RAD51B: variants seen among roughly 807,000 people sequenced by gnomAD.
RAD51B encodes RAD51 paralog B, also known as DNA repair protein RAD51 homolog 2.
RAD51B carries 38 observed loss-of-function variants against 42.2 expected under a neutral mutation model. The observed-to-expected ratio is 0.90, with a 90% CI of 0.70 to 1.18. RAD51B has a LOEUF of 1.18. Among genes scored for constraint, RAD51B ranks in the 50% most tolerant of loss-of-function variants. The pLI is 0.00. For missense variants in RAD51B, 373 were observed against 400.7 expected (o/e 0.93, Z 0.59); for synonymous variants, 154 against 145.2 (o/e 1.06, Z -0.43).
intron 7 of RAD51B, among the ~76,000 whole-genome samples, chr14:67,943,274 T>C (rs1307799830): frequency 6.6e-6 from 1 of 152,184 alleles, no homozygotes; most frequent in East Asian, 1.9e-4. Flanking sequence ...CTTGTACTAA[T>C]ACACATTTTA....
chr14:68,500,731 C>T (rs911298770), intron 10 of RAD51B, among the ~76,000 whole-genome samples: 9 of 152,176 alleles, frequency 5.9e-5, no homozygotes, highest in Admixed American at 4.6e-4. Flanking sequence ...GTCCTTTCTT[C>T]GCTCTCAGCC....
At chr14:67,831,043 T>G (rs1356358900) in intron 3 of RAD51B, among the ~76,000 whole-genome samples, 1 of 138,870 alleles carries the variant, frequency 7.2e-6, no homozygotes, top group African/African-American at 2.7e-5. Flanking sequence ...GCCCGGTTAA[T>G]TTTTTATATT....
intron 7 of RAD51B, among the ~76,000 whole-genome samples, chr14:68,024,380 T>C (rs1474947195): frequency 2.0e-5 from 3 of 152,178 alleles, no homozygotes; most frequent in Non-Finnish European, 1.5e-5. Context: ...AAAATGACAT[T>C]GGTAGTTTGA....
intron 10 of RAD51B, among the ~76,000 whole-genome samples, chr14:68,544,744 T>C (rs1888134331): frequency 2.0e-5 from 3 of 152,228 alleles, no homozygotes; most frequent in Admixed American, 6.5e-5. Context: ...CCAGTACTTT[T>C]CTGAGAGCAG....
chr14:68,118,072 T>TA (rs1394209962), intron 7 of RAD51B, among the ~76,000 whole-genome samples: 3 of 152,198 alleles, frequency 2.0e-5, no homozygotes, highest in Admixed American at 2.0e-4. Context: ...TTCTATAATT[T>TA]AAAAAATAAC....
chr14:68,209,401 T>C (rs1340059758), intron 7 of RAD51B, among the ~76,000 whole-genome samples: 12 of 152,194 alleles, frequency 7.9e-5, no homozygotes, highest in Non-Finnish European at 1.8e-4. Context: ...CCTTGTTGGG[T>C]GACACCTCTG....
chr14:68,637,910 C>T (rs965621817), intron 10 of RAD51B, among the ~76,000 whole-genome samples: 27 of 152,364 alleles, frequency 1.8e-4, no homozygotes, highest in African/African-American at 6.0e-4. Flanking sequence ...CAAACCTCAC[C>T]TTCTGCCTCA....
intron 10 of RAD51B, among the ~76,000 whole-genome samples, chr14:68,514,265 C>T (rs1209374235): frequency 1.3e-5 from 2 of 152,176 alleles, no homozygotes; most frequent in African/African-American, 4.8e-5. Flanking sequence ...CCTCAGCTGA[C>T]CTATCTAGAC....
At chr14:67,911,582 G>T (rs1412222762) in intron 7 of RAD51B, among the ~76,000 whole-genome samples, 1 of 152,104 alleles carries the variant, frequency 6.6e-6, no homozygotes, top group Non-Finnish European at 1.5e-5. Flanking sequence ...AACAGCATTT[G>T]TTGAGTCATG....
At chr14:68,465,949 A>AATAAAAAT (rs1407748641) in intron 9 of RAD51B, among the ~76,000 whole-genome samples, 6 of 99,970 alleles carry the variant, frequency 6.0e-5, no homozygotes, top group African/African-American at 1.7e-4. Context: ...TCAAAAAAAA[A>AATAAAAAT]AAAAATAAAT....
rs554815142 is a variant in RAD51B at position 68,058,159 on chromosome 14, T to A, written c.756+170955T>A. On this transcript the variant is annotated intron_variant, in intron 7 of 10. Transcript: ENST00000471583. Reference sequence around the variant, plus strand: ...TTTATTGTATTTTATTAGCAAGGGCTTATTTATTAATGTATACTAGGTTTT... The same window carrying A: ...TTTATTGTATTTTATTAGCAAGGGCATATTTATTAATGTATACTAGGTTTT... Among the ~76,000 whole-genome samples, 18 of 152,286 alleles carry A rather than the reference T, an allele frequency of 1.2e-4. No homozygotes were observed. The South Asian group carries it at 3.3e-3, about 28-fold the overall frequency.
chr14:68,526,718 A>G (rs1886957072), intron 10 of RAD51B, among the ~76,000 whole-genome samples: 1 of 152,216 alleles, frequency 6.6e-6, no homozygotes, highest in Admixed American at 6.5e-5. Flanking sequence ...TCTGCATGGA[A>G]GACCTCTGCT....
intron 7 of RAD51B, among the ~76,000 whole-genome samples, chr14:68,115,089 T>C (rs1030320723): frequency 1.4e-5 from 2 of 140,292 alleles, no homozygotes; most frequent in Non-Finnish European, 3.0e-5. Context: ...TAAAGACACA[T>C]GCACACGTAT....
chr14:68,465,782 A>T (rs1052862633), intron 9 of RAD51B, among the ~76,000 whole-genome samples: 1 of 151,908 alleles, frequency 6.6e-6, no homozygotes, highest in African/African-American at 2.4e-5. Flanking sequence ...TCCACTAAAA[A>T]TATAAAAAAT....
At chr14:67,872,654 A>C (rs1167930442) in intron 5 of RAD51B, among the ~76,000 whole-genome samples, 3 of 152,010 alleles carry the variant, frequency 2.0e-5, no homozygotes, top group Non-Finnish European at 4.4e-5. Flanking sequence ...CAAAAGAACA[A>C]GGCTGGAGGC....
At chr14:67,824,363 T>G (rs1429926229) in intron 2 of RAD51B, among the ~76,000 whole-genome samples, 2 of 152,186 alleles carry the variant, frequency 1.3e-5, no homozygotes, top group African/African-American at 4.8e-5. Flanking sequence ...GTTCAAGTGA[T>G]TCTCCTGCTT....
chr14:68,324,384 G>C (rs2082211673), intron 8 of RAD51B, among the ~76,000 whole-genome samples: 1 of 152,140 alleles, frequency 6.6e-6, no homozygotes, highest in African/African-American at 2.4e-5. Context: ...ATAGTAAATT[G>C]CACAGTAGTT....
At position 68,312,858 on chromosome 14, in the gene RAD51B, G is replaced by A. The variant is rs2081989418; in HGVS notation, c.853+20878G>A. Among the ~76,000 whole-genome samples, 4 of 152,272 alleles carry A rather than the reference G, an allele frequency of 2.6e-5. No individual in the cohort carries two copies. The South Asian group carries it at 8.3e-4, about 32-fold the overall frequency. ...GCAGCCATTGTTAGCAAAGTAGCCT[G>A]GTTATGTGTATTAAGCTTGGGAAAG... On this transcript the variant is annotated intron_variant, in intron 8 of 10. Coordinates refer to ENST00000471583, the MANE Select transcript of RAD51B (RefSeq NM_133510.4).
intron 7 of RAD51B, chr14:68,149,508 G>C (rs1566683461): frequency 6.6e-6 from 1 of 152,152 alleles, no homozygotes; most frequent in Non-Finnish European, 1.5e-5. Context: ...ATTTATGTGA[G>C]TCTGTTTCTG....
Sources: gnomAD v4.1 joint callset for allele counts (sites outside exome capture counted in the v4.1 genomes callset) on GRCh38, gnomAD v4.1.1 for gene constraint, MANE v1.5 for transcripts, NCBI Gene and HGNC (gene_info 2026-07-23, HGNC 2026-07-21) for gene names.